Variants in EPS15 observed in about 807,000 individuals in gnomAD.
EPS15 encodes epidermal growth factor receptor pathway substrate 15.
Under a neutral mutation model 113.8 loss-of-function variants are expected in EPS15, and 72 were observed. That is an observed-to-expected ratio of 0.63 (90% CI 0.52 to 0.77). The LOEUF is 0.77. Among genes scored for constraint, EPS15 ranks in the 30% least tolerant of loss-of-function variants. The pLI is 0.00. For synonymous variants in EPS15, 344 were observed against 363.4 expected (o/e 0.95, Z 0.61); for missense variants, 1,048 against 1,045.8 (o/e 1.00, Z -0.03).
chr1:51,483,544 G>GCA (rs1202415997), intron 1 of EPS15, among the ~76,000 whole-genome samples: 3 of 151,744 alleles, frequency 2.0e-5, no homozygotes, highest in Non-Finnish European at 2.9e-5. Flanking sequence ...ACGGTGGCAT[G>GCA]TGCCTGTAAT....
At chr1:51,462,895 T>TC (rs1654576884) in intron 7 of EPS15, among the ~76,000 whole-genome samples, 1 of 140,288 alleles carries the variant, frequency 7.1e-6, no homozygotes, top group South Asian at 2.2e-4. Context: ...TTTTTTTTTT[T>TC]CTAAGACAGT....
intron 2 of EPS15, among the ~76,000 whole-genome samples, chr1:51,474,339 T>C (rs532491392): frequency 6.6e-6 from 1 of 152,334 alleles, no homozygotes; most frequent in Non-Finnish European, 1.5e-5. Context: ...GTCTGAATTA[T>C]TAACATTTCA....
At chr1:51,448,805 AT>A (rs1424701747) in intron 8 of EPS15, among the ~76,000 whole-genome samples, 1 of 152,200 alleles carries the variant, frequency 6.6e-6, no homozygotes. Context: ...CATCAAAAAA[AT>A]AAATAAATAA....
At chr1:51,426,506 A>C (rs192116195) in intron 12 of EPS15, among the ~76,000 whole-genome samples, 1 of 150,944 alleles carries the variant, frequency 6.6e-6, no homozygotes, top group East Asian at 1.9e-4. Context: ...GCTAGGCCAC[A>C]GTACCCAGAT....
chr1:51,456,941 A>T (rs1465128689), intron 8 of EPS15, among the ~76,000 whole-genome samples: 1 of 152,188 alleles, frequency 6.6e-6, no homozygotes, highest in South Asian at 2.1e-4. Context: ...TTAACTGAGC[A>T]AAATCTAGAA....
At chr1:51,455,105 C>T (rs1471177758) in intron 8 of EPS15, among the ~76,000 whole-genome samples, 1 of 152,096 alleles carries the variant, frequency 6.6e-6, no homozygotes, top group Non-Finnish European at 1.5e-5. Context: ...ATTTACGGGC[C>T]TTTTCTTTAA....
At chr1:51,434,961 T>C (rs1652023761) in intron 12 of EPS15, among the ~76,000 whole-genome samples, 1 of 152,072 alleles carries the variant, frequency 6.6e-6, no homozygotes, top group Non-Finnish European at 1.5e-5. Context: ...CATGAGCCAC[T>C]GTGCCTGGCC....
At chr1:51,478,077 G>A (rs915485682) in intron 2 of EPS15, among the ~76,000 whole-genome samples, 1 of 152,130 alleles carries the variant, frequency 6.6e-6, no homozygotes, top group African/African-American at 2.4e-5. Context: ...CATTATTACT[G>A]TGTGGGAGTC....
chr1:51,490,872 A>G (rs1453857198), intron 1 of EPS15, among the ~76,000 whole-genome samples: 1 of 152,190 alleles, frequency 6.6e-6, no homozygotes, highest in African/African-American at 2.4e-5. Context: ...CAAAATTTAA[A>G]TAAGGTCTGT....
Position 51,356,605 on chromosome 1 carries a change from T to C in EPS15, c.*95A>G. 9.4e-7 allele frequency: 1 copy of C among 1,062,648 alleles called. No homozygotes were observed. The allele number at this position is 1,062,648 out of a possible 1,614,324, so 65.8% of individuals were successfully genotyped here. A position where few individuals can be genotyped will look rare whatever the true frequency, so the allele number is the denominator to read the frequency against. On this transcript the variant is annotated 3_prime_UTR_variant, in exon 25 of 25. Transcript: ENST00000371733. The stretch of plus-strand genomic sequence containing the variant: ...TACAGGAATCTCAAACCTTTTGTAT[T>C]CCCATGCTCACAGGTAGTTTTGATA...
At chr1:51,498,324 T>C (rs774467393) in intron 1 of EPS15, among the ~76,000 whole-genome samples, 2 of 152,330 alleles carry the variant, frequency 1.3e-5, no homozygotes, top group Non-Finnish European at 2.9e-5. Context: ...CCATCACCAG[T>C]TGGTCCCCAA....
At chr1:51,411,386 G>A (rs1449413606) in intron 13 of EPS15, among the ~76,000 whole-genome samples, 1 of 152,114 alleles carries the variant, frequency 6.6e-6, no homozygotes. Flanking sequence ...GGCAAAAAGT[G>A]ACCCTTGTGC....
chr1:51,464,478 G>T lies in EPS15; in HGVS notation c.376-680C>A, dbSNP rs138783263. Among the ~76,000 whole-genome samples the T allele has an allele frequency of 9.5e-3, 1,442 of 152,132 alleles. 24 individuals carry two copies. Among genetic ancestry groups the T allele is most frequent in the African/African-American group, 0.033 (1,379 of 41,496 alleles). On this transcript the variant is annotated intron_variant, in intron 6 of 24. Transcript: ENST00000371733. ...GCTGGTCTCGAACTCCTGACCTCAT[G>T]ATCTGCCCGCCTCACCCTCCCAAAG...
At chr1:51,505,234 G>A (rs1024176829) in intron 1 of EPS15, among the ~76,000 whole-genome samples, 3 of 152,180 alleles carry the variant, frequency 2.0e-5, no homozygotes, top group African/African-American at 4.8e-5. Flanking sequence ...GTATATGAAT[G>A]CTTATAAAAG....
chr1:51,370,918 C>T (rs932336736), intron 21 of EPS15, among the ~76,000 whole-genome samples: 1 of 150,856 alleles, frequency 6.6e-6, no homozygotes, highest in South Asian at 2.1e-4. Context: ...CATGCCCACC[C>T]TATTTTGGTT....
intron 1 of EPS15, among the ~76,000 whole-genome samples, chr1:51,498,531 T>A (rs979857005): frequency 2.6e-5 from 4 of 152,242 alleles, no homozygotes; most frequent in Admixed American, 2.6e-4. Context: ...TGTAGGCTAA[T>A]GTAAGTGTTC....
intron 13 of EPS15, among the ~76,000 whole-genome samples, chr1:51,420,417 CT>C (rs1350865258): frequency 2.0e-5 from 3 of 152,166 alleles, no homozygotes; most frequent in Non-Finnish European, 4.4e-5. Context: ...AACCTATGTA[CT>C]TTAAAGCAGT....
intron 21 of EPS15, among the ~76,000 whole-genome samples, chr1:51,368,111 G>C (rs553699920): frequency 2.0e-5 from 3 of 152,136 alleles, no homozygotes; most frequent in Admixed American, 1.3e-4. Context: ...CAGCCTGGGC[G>C]ACAGAGCAAG....
intron 10 of EPS15, among the ~76,000 whole-genome samples, chr1:51,446,013 C>G (rs756481756): frequency 6.6e-6 from 1 of 152,132 alleles, no homozygotes; most frequent in African/African-American, 2.4e-5. Context: ...TTAATCTTTC[C>G]CAGTCTTGGG....
Sources: allele counts gnomAD v4.1 joint callset (sites outside exome capture counted in the v4.1 genomes callset), GRCh38; gene constraint gnomAD v4.1.1; transcripts MANE v1.5; gene names NCBI Gene and HGNC (gene_info 2026-07-23, HGNC 2026-07-21).